The following ZNF423 variants were observed in gnomAD, a reference collection of about 807,000 sequenced individuals.
ZNF423 encodes zinc finger protein 423, also known as Ebf-associated zinc finger protein.
Under a neutral mutation model 95.8 loss-of-function variants are expected in ZNF423, and 12 were observed. The ratio of observed to expected loss-of-function variants is 0.13; its 90% CI spans 0.08 to 0.20. The LOEUF is 0.20. Among genes scored for constraint, ZNF423 ranks in the 10% least tolerant of loss-of-function variants. ZNF423 has a pLI of 1.00. For synonymous variants in ZNF423, 749 were observed against 711.9 expected (o/e 1.05, Z -0.83); for missense variants, 1,316 against 1,737.1 (o/e 0.76, Z 4.31).
At chr16:49,494,015 G>A (rs375966795) in intron 7 of ZNF423, among the ~76,000 whole-genome samples, 2 of 152,226 alleles carry the variant, frequency 1.3e-5, no homozygotes, top group African/African-American at 4.8e-5. Flanking sequence ...CACAGGGGGT[G>A]TCTGGGATCT....
chr16:49,842,410 AAGGC>A lies in ZNF423; in HGVS notation c.40+13321_40+13324del, dbSNP rs1211045896. Among the ~76,000 whole-genome samples, 717 of 77,812 alleles carry A rather than the reference AAGGC, an allele frequency of 9.2e-3. 11 individuals are homozygous for A. Among genetic ancestry groups the A allele is most frequent in the African/African-American group, 0.014 (327 of 22,672 alleles). 51.0% of individuals were successfully genotyped at this position (77,812 alleles called of 152,430 possible). A position where few individuals can be genotyped will look rare whatever the true frequency, so the allele number is the denominator to read the frequency against. On this transcript the variant is annotated intron_variant, in intron 1 of 7. Transcript: ENST00000563137. ...GAAGGAAGGAAGGAAGGAAGGAAGG[AAGGC>A]AGGCAGGCAGGCAGGCAGGCAGGCA...
intron 1 of ZNF423, among the ~76,000 whole-genome samples, chr16:49,791,802 G>A (rs567646266): frequency 1.3e-5 from 2 of 152,166 alleles, no homozygotes; most frequent in South Asian, 4.2e-4. Context: ...AGGAGTTCGA[G>A]GCCAGCTTGG....
intron 3 of ZNF423, among the ~76,000 whole-genome samples, chr16:49,702,335 T>A (rs1326129214): frequency 6.6e-6 from 1 of 152,110 alleles, no homozygotes; most frequent in Non-Finnish European, 1.5e-5. Context: ...ACGGGAGAAG[T>A]GTTCTCCAAA....
At chr16:49,544,349 G>A (rs1160403802) in intron 5 of ZNF423, among the ~76,000 whole-genome samples, 2 of 152,182 alleles carry the variant, frequency 1.3e-5, no homozygotes, top group East Asian at 1.9e-4. Flanking sequence ...CACTTAAGAG[G>A]TGTGCATCTC....
chr16:49,808,803 G>A (rs976456083), intron 1 of ZNF423, among the ~76,000 whole-genome samples: 2 of 152,208 alleles, frequency 1.3e-5, no homozygotes, highest in Non-Finnish European at 2.9e-5. Flanking sequence ...TATTTCCCAA[G>A]TGCACCTGAC....
intron 3 of ZNF423, among the ~76,000 whole-genome samples, chr16:49,713,308 C>T (rs1402564675): frequency 6.6e-6 from 1 of 152,272 alleles, no homozygotes; most frequent in Non-Finnish European, 1.5e-5. Context: ...AGCATTTGCT[C>T]ATCCGCAGGA....
At chr16:49,824,248 T>C (rs1248769234) in intron 1 of ZNF423, among the ~76,000 whole-genome samples, 2 of 152,100 alleles carry the variant, frequency 1.3e-5, no homozygotes, top group Admixed American at 1.3e-4. Flanking sequence ...AGCCAGACAC[T>C]GCACACGCTT....
In ZNF423 at chr16:49,637,748, G is replaced by C; in HGVS notation, c.1428C>G (p.Ala476=). ...TGTTGCCAAACTGCATCACAGGGTA[G>C]GCATGGTTCTTGTGCAGCTTGCGAA... ...EHVRKLHKNH[A]YPVMQFGNIS... is the part of the protein sequence containing the mutation. Residue 476 remains alanine (A), a synonymous_variant, in exon 4 of 8, where the codon GCC becomes GCG. Transcript: ENST00000563137. This position sits in a 1 kb window ranked among gnomAD's most constrained non-coding sequence, Gnocchi z 5.6. 3 of 1,614,134 alleles carry C rather than the reference G, an allele frequency of 1.9e-6. No individual in the cohort carries two copies. Among genetic ancestry groups the C allele is most frequent in the Non-Finnish European group, 1.7e-6 (2 of 1,180,048 alleles).
At chr16:49,691,123 C>T (rs1263707697) in intron 3 of ZNF423, among the ~76,000 whole-genome samples, 1 of 152,250 alleles carries the variant, frequency 6.6e-6, no homozygotes, top group East Asian at 1.9e-4. Flanking sequence ...GAGGGCCCGA[C>T]AGAGGGAGTC....
intron 3 of ZNF423, among the ~76,000 whole-genome samples, chr16:49,673,191 T>C (rs1180437559): frequency 1.3e-5 from 2 of 152,156 alleles, no homozygotes; most frequent in Non-Finnish European, 1.5e-5. Flanking sequence ...GTAAATCCCA[T>C]TTGACAGGGG....
chr16:49,661,217 C>CAAAAAAAAAA (rs397959711), intron 3 of ZNF423, among the ~76,000 whole-genome samples: 1 of 97,798 alleles, frequency 1.0e-5, no homozygotes, highest in Admixed American at 1.3e-4. Context: ...GACTTCATCT[C>CAAAAAAAAAA]AAAAAAAAAA....
chr16:49,514,318 C>T (rs1597030431), intron 7 of ZNF423, among the ~76,000 whole-genome samples: 1 of 151,998 alleles, frequency 6.6e-6, no homozygotes, highest in African/African-American at 2.4e-5. Flanking sequence ...TTCTGAAATC[C>T]CCTAGTTCAT....
intron 7 of ZNF423, among the ~76,000 whole-genome samples, chr16:49,520,539 A>G (rs1968354124): frequency 6.6e-6 from 1 of 152,196 alleles, no homozygotes; most frequent in Admixed American, 6.5e-5. Context: ...GCTCAATCCT[A>G]AGCCTAGAAT....
intron 5 of ZNF423, among the ~76,000 whole-genome samples, chr16:49,560,555 C>T (rs1597103735): frequency 6.6e-6 from 1 of 152,152 alleles, no homozygotes; most frequent in Admixed American, 6.5e-5. Flanking sequence ...GTCAAGTTTT[C>T]GATTGGTCTG....
chr16:49,502,641 C>T (rs960993675), intron 7 of ZNF423, among the ~76,000 whole-genome samples: 1 of 152,028 alleles, frequency 6.6e-6, no homozygotes, highest in South Asian at 2.1e-4. Flanking sequence ...CTCCCTTCTA[C>T]CCTCCACAGT....
In ZNF423 at chr16:49,626,111, C is replaced by T. The variant is rs376825974; in HGVS notation, c.3601+59G>A. On this transcript the variant is annotated intron_variant, in intron 5 of 7. Coordinates refer to ENST00000563137, the MANE Select transcript of ZNF423 (RefSeq NM_001379286.1). ...AAGCCAGTAAAATGATGATTGGAAC[C>T]GCAAATTTAAAACCCCAAAGAGTAG... 1,989 of 1,558,514 alleles carry T rather than the reference C, an allele frequency of 1.3e-3. 1 individual carries two copies. The highest frequency in any genetic ancestry group is 1.7e-3 in the Non-Finnish European group (1,908 of 1,130,422).
intron 3 of ZNF423, among the ~76,000 whole-genome samples, chr16:49,677,338 GA>G (rs2031145597): frequency 2.3e-5 from 1 of 43,314 alleles, no homozygotes; most frequent in African/African-American, 9.5e-5. Context: ...GAGGGGAGGG[GA>G]GGGGAGGAGG....
rs1203821734 is a variant in ZNF423 at position 49,855,606 on chromosome 16, G to GCCT, written c.40+126_40+128dup. On this transcript the variant is annotated intron_variant, in intron 1 of 7. Transcript: ENST00000563137. This position sits in a 1 kb window ranked among gnomAD's most constrained non-coding sequence, Gnocchi z 4.7. ...CGCCTCCGCCTCCGCCTCCTCTGCC[G>GCCT]CCTCCTCCTCCTCCTCTCGGCTCGC... is the stretch of plus-strand genomic sequence containing the variant. 2.3e-5 allele frequency: 4 copies of GCCT among 175,182 alleles called. No individual in the cohort carries two copies. The highest frequency in any genetic ancestry group is 7.4e-5 in the African/African-American group (3 of 40,582). 10.9% of individuals were successfully genotyped at this position (175,182 alleles called of 1,614,324 possible). A position where few individuals can be genotyped will look rare whatever the true frequency, so the allele number is the denominator to read the frequency against.
At chr16:49,699,250 C>A (rs1308993990) in intron 3 of ZNF423, among the ~76,000 whole-genome samples, 2 of 152,102 alleles carry the variant, frequency 1.3e-5, no homozygotes, top group Non-Finnish European at 2.9e-5. Flanking sequence ...GGCCGGCTCC[C>A]CCGGGGGCCG....
Sources: gnomAD v4.1 joint callset for allele counts (sites outside exome capture counted in the v4.1 genomes callset) on GRCh38, gnomAD v4.1.1 for gene constraint, Gnocchi (gnomAD v3.1) non-coding constraint, MANE v1.5 for transcripts, NCBI Gene and HGNC (gene_info 2026-07-23, HGNC 2026-07-21) for gene names.